SUCLG2: variants seen among roughly 807,000 people sequenced by gnomAD.
The protein encoded by SUCLG2 is succinate-CoA ligase GDP-forming subunit beta.
SUCLG2 carries 42 observed loss-of-function variants against 47.9 expected under a neutral mutation model. That is an observed-to-expected ratio of 0.88 (90% confidence interval 0.69 to 1.14). SUCLG2 has a LOEUF of 1.14. Ranked by LOEUF, SUCLG2 falls within the 50% of genes most tolerant of loss-of-function variation. The pLI is 0.00. For missense variants in SUCLG2, 571 were observed against 525.9 expected (o/e 1.09, Z -0.84); for synonymous variants, 195 against 197.3 (o/e 0.99, Z 0.10).
chr3:67,524,758 AG>A (rs1706209746), intron 4 of SUCLG2, among the ~76,000 whole-genome samples: 1 of 152,190 alleles, frequency 6.6e-6, no homozygotes. Flanking sequence ...TGACTCTGAA[AG>A]TTATAGAGAA....
chr3:67,539,506 T>C (rs1278905163), intron 2 of SUCLG2, among the ~76,000 whole-genome samples: 1 of 152,220 alleles, frequency 6.6e-6, no homozygotes, highest in Non-Finnish European at 1.5e-5. Flanking sequence ...TCAGGGATGT[T>C]GGCCTGAAAT....
intron 2 of SUCLG2, among the ~76,000 whole-genome samples, chr3:67,538,355 G>A (rs1043506980): frequency 6.6e-6 from 1 of 152,106 alleles, no homozygotes; most frequent in African/African-American, 2.4e-5. Context: ...TATTTGTCAG[G>A]TTTGTCAAAA....
chr3:67,456,463 C>T (rs1451945792), intron 9 of SUCLG2, among the ~76,000 whole-genome samples: 2 of 152,086 alleles, frequency 1.3e-5, no homozygotes. Flanking sequence ...TACTGGAACA[C>T]ACTGAATTGA....
chr3:67,530,497 C>A (rs956987358), intron 2 of SUCLG2, among the ~76,000 whole-genome samples: 1 of 152,196 alleles, frequency 6.6e-6, no homozygotes, highest in Non-Finnish European at 1.5e-5. Context: ...CTGTCATCAT[C>A]ATTGTTACCC....
At chr3:67,454,941 G>A (rs12374036) in intron 9 of SUCLG2, among the ~76,000 whole-genome samples, 77,721 of 143,394 alleles carry the variant, frequency 0.54, 21,920 homozygotes, top group Middle Eastern at 0.66. Context: ...CAGCCTGGGC[G>A]ACAGAGTGAG....
intron 9 of SUCLG2, among the ~76,000 whole-genome samples, chr3:67,421,605 C>T (rs952933822): frequency 6.6e-6 from 1 of 152,192 alleles, no homozygotes; most frequent in Non-Finnish European, 1.5e-5. Context: ...GTGAAGATCA[C>T]TAGCACCAGA....
chr3:67,428,681 G>A (rs1267237703), intron 9 of SUCLG2, among the ~76,000 whole-genome samples: 4 of 152,144 alleles, frequency 2.6e-5, no homozygotes, highest in South Asian at 2.1e-4. Context: ...CGAACCCATC[G>A]CAAAGAAGCT....
chr3:67,403,805 G>A (rs111742043), intron 9 of SUCLG2, among the ~76,000 whole-genome samples: 8,105 of 152,296 alleles, frequency 0.053, 680 homozygotes, highest in African/African-American at 0.18. Flanking sequence ...AGTAAGTTAA[G>A]ATGATACAGG....
At chr3:67,587,166 T>A (rs908873653) in intron 2 of SUCLG2, among the ~76,000 whole-genome samples, 1 of 152,196 alleles carries the variant, frequency 6.6e-6, no homozygotes, top group African/African-American at 2.4e-5. Context: ...TAAAAATGAT[T>A]ACGTCTCCTA....
chr3:67,421,181 T>G (rs1575683929), intron 9 of SUCLG2, among the ~76,000 whole-genome samples: 2 of 151,906 alleles, frequency 1.3e-5, no homozygotes, highest in East Asian at 3.9e-4. Context: ...TTACCCAAAC[T>G]CTTATCCAAC....
rs191750658 is a variant in SUCLG2 at position 67,375,054 on chromosome 3, A to T, written c.*690T>A. On this transcript the variant is annotated 3_prime_UTR_variant, in exon 11 of 11. Transcript: ENST00000307227. ...GGAAGCTTCCACTCCCAAAATCACAAATAAGGCTTCTGGTTTTCTTTTTAG... is the reference window on the plus strand; with the variant it reads ...GGAAGCTTCCACTCCCAAAATCACATATAAGGCTTCTGGTTTTCTTTTTAG... 1.4e-4 allele frequency: 139 copies of T among 985,824 alleles called. No individual in the cohort carries two copies. The highest frequency in any genetic ancestry group is 2.3e-4 in the South Asian group (5 of 21,286). The allele number at this position is 985,824 out of a possible 1,614,324, so 61.1% of individuals were successfully genotyped here.
chr3:67,550,872 C>T (rs2772470), intron 2 of SUCLG2, among the ~76,000 whole-genome samples: 18,491 of 149,856 alleles, frequency 0.12, 1,693 homozygotes, highest in East Asian at 0.42. Context: ...AAAGTGCTTA[C>T]GTTTAAGAGT....
rs767287265 is a variant in SUCLG2, at chr3:67,654,565, G to T, written c.22C>A (p.Gln8Lys). 7.6e-5 allele frequency: 97 copies of T among 1,273,684 alleles called. No individual in the cohort carries two copies. Among genetic ancestry groups the T allele is most frequent in the Non-Finnish European group, 9.2e-5 (93 of 1,007,264 alleles). 78.9% of individuals were successfully genotyped at this position (1,273,684 alleles called of 1,614,324 possible). Residue 8 changes from glutamine (Q) to lysine (K), a missense_variant, in exon 1 of 11, where the codon CAG becomes AAG. Coordinates refer to ENST00000307227, the MANE Select transcript of SUCLG2 (RefSeq NM_003848.4). ...AGGGCTCGCAGAAGCTTCCCGGCCT[G>T]CGCTGCTACGGGGGACGCCATCTTA... MASPVAA[Q>K]AGKLLRALAL...
intron 10 of SUCLG2, among the ~76,000 whole-genome samples, chr3:67,379,818 C>T (rs1702113756): frequency 6.6e-6 from 1 of 152,204 alleles, no homozygotes; most frequent in South Asian, 2.1e-4. Context: ...TCCCCATGCC[C>T]CAACTAAAGC....
chr3:67,410,694 T>A (rs1447708886), intron 9 of SUCLG2, among the ~76,000 whole-genome samples: 1 of 151,738 alleles, frequency 6.6e-6, no homozygotes, highest in Non-Finnish European at 1.5e-5. Context: ...TAAAAAAAAA[T>A]AGAGCAAAGA....
At chr3:67,423,736 G>C (rs1258625102) in intron 9 of SUCLG2, among the ~76,000 whole-genome samples, 2 of 152,160 alleles carry the variant, frequency 1.3e-5, no homozygotes, top group African/African-American at 4.8e-5. Flanking sequence ...AAAGCTTTTA[G>C]ACATTTTAAC....
chr3:67,442,172 G>A lies in SUCLG2; in HGVS notation c.1063-41321C>T, dbSNP rs368913801. 4.5e-3 allele frequency among the ~76,000 whole-genome samples: 674 copies of A among 150,206 alleles called. 4 individuals carry two copies. The highest frequency in any genetic ancestry group is 0.015 in the African/African-American group (623 of 40,888). On this transcript the variant is annotated intron_variant, in intron 9 of 10. Coordinates refer to ENST00000307227, the MANE Select transcript of SUCLG2 (RefSeq NM_003848.4). ...ACTACAGGCGCCCGCCACTACGCCC[G>A]GCTAATTTTTTGTATTTTTAGTAGA...
At chr3:67,368,032 A>G (rs1425658896) in intron 10 of SUCLG2, among the ~76,000 whole-genome samples, 1 of 152,138 alleles carries the variant, frequency 6.6e-6, no homozygotes, top group Admixed American at 6.5e-5. Flanking sequence ...TTTATACACA[A>G]TATTATTTAT....
intron 2 of SUCLG2, among the ~76,000 whole-genome samples, chr3:67,602,987 C>A (rs1478453749): frequency 1.3e-5 from 2 of 152,134 alleles, no homozygotes; most frequent in African/African-American, 2.4e-5. Context: ...GGCAGGCACA[C>A]AATCAAATCA....
Sources: allele counts gnomAD v4.1 joint callset (sites outside exome capture counted in the v4.1 genomes callset), GRCh38; gene constraint gnomAD v4.1.1; transcripts MANE v1.5; gene names NCBI Gene and HGNC (gene_info 2026-07-23, HGNC 2026-07-21).